The following MTUS1 variants were observed in gnomAD, a reference collection of about 807,000 sequenced individuals.
MTUS1 encodes microtubule associated scaffold protein 1.
MTUS1 carries 109 observed loss-of-function variants against 120.8 expected under a neutral mutation model. The observed-to-expected ratio is 0.90, with a 90% confidence interval of 0.77 to 1.06. MTUS1 has a LOEUF of 1.06. Ranked by LOEUF, MTUS1 falls within the 50% of genes least tolerant of loss-of-function variation. MTUS1 has a pLI of 0.00. For missense variants in MTUS1, 2,210 were observed against 1,486.3 expected, an observed-to-expected ratio of 1.49 and a Z score of -8.01; for synonymous variants, 737 against 550.5, an observed-to-expected ratio of 1.34 and a Z score of -4.74.
chr8:17,730,566 C>A (rs944559007), intron 3 of MTUS1, among the ~76,000 whole-genome samples: 1 of 151,390 alleles, frequency 6.6e-6, no homozygotes, highest in African/African-American at 2.4e-5. Context: ...TTCACAATAG[C>A]CAAAATGTGG....
At chr8:17,694,358 C>G (rs1439518575) in intron 6 of MTUS1, among the ~76,000 whole-genome samples, 7 of 152,086 alleles carry the variant, frequency 4.6e-5, no homozygotes, top group African/African-American at 1.4e-4. Flanking sequence ...TAAATCAGGA[C>G]AAGTAATGAT....
chr8:17,752,185 C>A (rs2048250933), intron 2 of MTUS1, among the ~76,000 whole-genome samples: 1 of 147,898 alleles, frequency 6.8e-6, no homozygotes. Context: ...CAAAATTACA[C>A]AACCAATTTA....
chr8:17,789,272 C>G (rs1007450548), intron 1 of MTUS1, among the ~76,000 whole-genome samples: 1 of 152,154 alleles, frequency 6.6e-6, no homozygotes, highest in South Asian at 2.1e-4. Flanking sequence ...CTCAGGTGAT[C>G]TGCCCGCCTT....
At chr8:17,727,452 G>T (rs1328143530) in intron 3 of MTUS1, among the ~76,000 whole-genome samples, 6 of 152,204 alleles carry the variant, frequency 3.9e-5, no homozygotes, top group Non-Finnish European at 8.8e-5. Flanking sequence ...TCAGAATGGA[G>T]CTCTTACTGG....
intron 12 of MTUS1, among the ~76,000 whole-genome samples, chr8:17,652,438 T>G (rs1807208983): frequency 6.6e-6 from 1 of 151,930 alleles, no homozygotes; most frequent in African/African-American, 2.4e-5. Flanking sequence ...TTCCTCAGAA[T>G]AAGTAAATCC....
intron 1 of MTUS1, among the ~76,000 whole-genome samples, chr8:17,793,525 G>T (rs1186917702): frequency 6.6e-6 from 1 of 152,152 alleles, no homozygotes; most frequent in African/African-American, 2.4e-5. Context: ...AGCTCTAGAT[G>T]ATTTATTCCA....
chr8:17,655,872 C>T lies in MTUS1; in HGVS notation c.3099G>A (p.Leu1033=). The T allele has an allele frequency of 1.2e-6, 2 of 1,614,194 alleles. No homozygotes were observed. Among genetic ancestry groups the T allele is most frequent in the Non-Finnish European group, 1.7e-6 (2 of 1,180,018 alleles). Residue 1033 remains leucine, a synonymous_variant, in exon 9 of 15, where the codon TTG becomes TTA. Coordinates refer to ENST00000693296, the MANE Select transcript of MTUS1 (RefSeq NM_001363059.2). ...CTGCAAAAGCACAGACCTGCTCTTGCAATTGCATTTTGTACTTCTCTGCTT... is the reference window on the plus strand; with the variant it reads ...CTGCAAAAGCACAGACCTGCTCTTGTAATTGCATTTTGTACTTCTCTGCTT... ...IEEAEKYKMQ[L]QEQFDNLNAA... is the part of the protein sequence containing the mutation.
chr8:17,659,884 C>T (rs569642704), intron 8 of MTUS1, among the ~76,000 whole-genome samples: 1 of 152,260 alleles, frequency 6.6e-6, no homozygotes, highest in South Asian at 2.1e-4. Context: ...AACCCATCCC[C>T]TCCCCTTCCC....
In MTUS1 at chr8:17,753,753, A is replaced by G; in HGVS notation, c.2055T>C (p.Ile685=). The G allele has an allele frequency of 1.2e-6, 2 of 1,610,898 alleles. No individual in the cohort carries two copies. Among genetic ancestry groups the G allele is most frequent in the Non-Finnish European group, 1.7e-6 (2 of 1,179,232 alleles). The change falls in exon 2 of 15, where the codon ATT becomes ATC. Residue 685 remains isoleucine, a synonymous_variant. Coordinates refer to ENST00000693296, the MANE Select transcript of MTUS1 (RefSeq NM_001363059.2). ...SMEKQELKQE[I]MNETFEYGSL... ...AACCATATTCAAAAGTCTCATTCAT[A>G]ATCTCTTGTTTCAGCTCTTGTTTTT...
intron 6 of MTUS1, among the ~76,000 whole-genome samples, chr8:17,696,444 G>T (rs1290303463): frequency 2.0e-5 from 3 of 152,134 alleles, no homozygotes; most frequent in African/African-American, 7.2e-5. Flanking sequence ...ACATTCCTGT[G>T]ACACCTAACG....
intron 1 of MTUS1, among the ~76,000 whole-genome samples, chr8:17,791,092 T>C (rs1290826649): frequency 6.6e-6 from 1 of 152,164 alleles, no homozygotes; most frequent in South Asian, 2.1e-4. Flanking sequence ...AACAGCATCA[T>C]ACTGGGTGTG....
At chr8:17,648,717 C>A (rs906864763) in intron 13 of MTUS1, among the ~76,000 whole-genome samples, 2 of 152,210 alleles carry the variant, frequency 1.3e-5, no homozygotes, top group African/African-American at 2.4e-5. Context: ...CAAACCAACA[C>A]AAACCAAGCA....
intron 6 of MTUS1, among the ~76,000 whole-genome samples, chr8:17,708,262 A>C (rs1278722827): frequency 3.3e-5 from 5 of 152,244 alleles, no homozygotes; most frequent in African/African-American, 1.2e-4. Flanking sequence ...TTCAACAATA[A>C]AAATGACCCA....
chr8:17,666,856 T>C (rs894106261), intron 8 of MTUS1, among the ~76,000 whole-genome samples: 2 of 152,142 alleles, frequency 1.3e-5, no homozygotes, highest in South Asian at 2.1e-4. Flanking sequence ...ATGATGGGTA[T>C]AGGAGACGTT....
At chr8:17,703,416 G>C (rs949125979) in intron 6 of MTUS1, among the ~76,000 whole-genome samples, 1 of 152,018 alleles carries the variant, frequency 6.6e-6, no homozygotes, top group Admixed American at 6.5e-5. Flanking sequence ...GGCAGATCAC[G>C]AGGTCAGGAG....
chr8:17,656,443 G>A (rs1808249644), intron 8 of MTUS1, among the ~76,000 whole-genome samples: 1 of 151,620 alleles, frequency 6.6e-6, no homozygotes, highest in African/African-American at 2.4e-5. Flanking sequence ...CAGGAGAATT[G>A]CTTGAACCCG....
At chr8:17,691,715 A>T (rs1177701064) in intron 6 of MTUS1, among the ~76,000 whole-genome samples, 5 of 152,148 alleles carry the variant, frequency 3.3e-5, no homozygotes, top group African/African-American at 1.2e-4. Flanking sequence ...TTTTTTTTTA[A>T]TGGAAGCTTT....
intron 6 of MTUS1, among the ~76,000 whole-genome samples, chr8:17,709,322 G>C (rs554239019): frequency 1.4e-4 from 22 of 152,138 alleles, no homozygotes; most frequent in Middle Eastern, 3.4e-3. Context: ...CTCTTGCCCA[G>C]GTTTCCCTCA....
At chr8:17,784,786 G>A (rs1162594506) in intron 1 of MTUS1, among the ~76,000 whole-genome samples, 3 of 93,496 alleles carry the variant, frequency 3.2e-5, no homozygotes, top group Non-Finnish European at 7.9e-5. Flanking sequence ...ATAACAAGAA[G>A]AACTTTTTTT....
Sources: gnomAD v4.1 joint callset for allele counts (sites outside exome capture counted in the v4.1 genomes callset) on GRCh38, gnomAD v4.1.1 for gene constraint, MANE v1.5 for transcripts, NCBI Gene and HGNC (gene_info 2026-07-23, HGNC 2026-07-21) for gene names.